BUD23: variants seen among roughly 807,000 people sequenced by gnomAD.
The protein encoded by BUD23 is 18S rRNA (guanine-N(7))-methyltransferase.
BUD23 carries 34 observed loss-of-function variants against 47.0 expected under a neutral mutation model. The ratio of observed to expected loss-of-function variants is 0.72; its 90% CI spans 0.55 to 0.96. The LOEUF (loss-of-function observed/expected upper bound fraction) is 0.96. Among genes scored for constraint, BUD23 ranks in the 40% least tolerant of loss-of-function variants. BUD23 has a pLI of 0.00. For missense variants in BUD23, 343 were observed against 361.2 expected, an observed-to-expected ratio of 0.95 and a Z score of 0.41; for synonymous variants, 124 against 132.0, an observed-to-expected ratio of 0.94 and a Z score of 0.41.
chr7:73,697,512 C>T lies in BUD23; in HGVS notation c.702-93C>T. The T allele has an allele frequency of 2.5e-6, 4 of 1,598,212 alleles. No individual in the cohort carries two copies. The highest frequency in any genetic ancestry group is 3.4e-6 in the Non-Finnish European group (4 of 1,173,884). On this transcript the variant is annotated intron_variant, in intron 10 of 11. Transcript: ENST00000265758. ...AAGGGGCATCCGAGGCCACCAGACT[C>T]GGAGGTAAGCTTGCCATGGATTCAC... is the stretch of plus-strand genomic sequence containing the variant.
rs148321306 is a variant in BUD23, at chr7:73,691,282, C to T, written c.459+270C>T. Among the ~76,000 whole-genome samples, 480 of 152,300 alleles carry T rather than the reference C, an allele frequency of 3.2e-3. 3 individuals are homozygous for T. The highest frequency in any genetic ancestry group is 0.02 in the Middle Eastern group (6 of 294). On this transcript the variant is annotated intron_variant, in intron 6 of 11. Coordinates refer to ENST00000265758, the MANE Select transcript of BUD23 (RefSeq NM_017528.5). ...TATTAACTTGTAATAGGGCCTACTT[C>T]TGTTGATTGGTATTCCTATGTCTAT...
intron 10 of BUD23, chr7:73,696,386 C>T (rs1434686333): frequency 2.6e-5 from 4 of 152,240 alleles, no homozygotes; most frequent in Non-Finnish European, 5.9e-5. Context: ...TACACATTGC[C>T]TTATCTCCAT....
Position 73,686,996 on chromosome 7 carries a change from TAG to T in BUD23, c.266-1_266del. 6.2e-7 allele frequency: 1 copy of T among 1,614,176 alleles called. No homozygotes were observed. ...TTCTCTGACTGCCTTTTCTCTAATGTAGATGAGGCTGTGGACCGAGAGATAGA... is the reference window on the plus strand; with the variant it reads ...TTCTCTGACTGCCTTTTCTCTAATGTATGAGGCTGTGGACCGAGAGATAGA... On this transcript the variant is annotated splice_acceptor_variant, in intron 4 of 11. Coordinates refer to ENST00000265758, the MANE Select transcript of BUD23 (RefSeq NM_017528.5). LOFTEE classifies it high-confidence loss of function.
chr7:73,687,958 G>C (rs1390427156), intron 5 of BUD23, among the ~76,000 whole-genome samples: 2 of 150,686 alleles, frequency 1.3e-5, no homozygotes, highest in Admixed American at 6.6e-5. Context: ...TGCAGTGGCG[G>C]GATCTCGGCT....
intron 5 of BUD23, among the ~76,000 whole-genome samples, chr7:73,687,711 A>G (rs7796067): frequency 0.98 from 148,983 of 152,266 alleles, 72,974 homozygotes; most frequent in East Asian, 1. Flanking sequence ...TAGTCCTGCA[A>G]GCCAGTGCCT....
At chr7:73,684,923 CAAAAAAAAAAAAAAAAAAAAAA>C (rs56229090) in intron 2 of BUD23, among the ~76,000 whole-genome samples, 35 of 49,136 alleles carry the variant, frequency 7.1e-4, no homozygotes, top group African/African-American at 1.5e-3. Context: ...GACTTTGTTT[CAAAAAAAAAAAAAAAAAAAAAA>C]AAAAAAAAAA....
At chr7:73,692,949 C>T (rs2293489) in intron 7 of BUD23, 163,517 of 538,978 alleles carry the variant, frequency 0.3, 27,383 homozygotes, top group Non-Finnish European at 0.34. Flanking sequence ...GACAGTTCTC[C>T]GTTGTGTGAT....
At position 73,697,894 on chromosome 7, in the gene BUD23, C is replaced by T. The variant is rs1554615206; in HGVS notation, c.*8C>T. The T allele has an allele frequency of 6.2e-6, 10 of 1,612,488 alleles. No individual in the cohort carries two copies. Among genetic ancestry groups the T allele is most frequent in the Middle Eastern group, 1.7e-4 (1 of 5,922 alleles). ...CGCAAGCCCCGCTTCTAAGTCACCA[C>T]GCGGTTCTGGAAAGGCACTTGCCTC... On this transcript the variant is annotated 3_prime_UTR_variant, in exon 12 of 12. Transcript: ENST00000265758.
At chr7:73,686,926 G>A (rs781950305) in intron 4 of BUD23, 26 bp downstream of exon 4, 10 of 1,614,100 alleles carry the variant, frequency 6.2e-6, no homozygotes, top group Non-Finnish European at 7.6e-6. Flanking sequence ...CTGGCACCAG[G>A]GTGGATTACC....
At chr7:73,693,540 G>T in intron 8 of BUD23, 84 bp from the exon 9 acceptor site, 1 of 1,601,182 alleles carries the variant, frequency 6.2e-7, no homozygotes, top group Non-Finnish European at 8.6e-7. Flanking sequence ...GGCAGGCGGA[G>T]GGGGTGCGGG....
In BUD23 at chr7:73,693,293, C is replaced by T. The variant is rs782519967; in HGVS notation, c.511-36C>T. The stretch of plus-strand genomic sequence containing the variant: ...AGGTGAAGCTGTCTGCTCCTCTCAA[C>T]CTCCGCTGCCTGACCCGCTGCCTTT... On this transcript the variant is annotated intron_variant, in intron 7 of 11. Transcript: ENST00000265758. 14 of 1,588,352 alleles carry T rather than the reference C, an allele frequency of 8.8e-6. No individual in the cohort carries two copies. In the South Asian group the frequency reaches 1.6e-4, roughly 18 times the overall value.
Position 73,693,271 on chromosome 7 carries a change from T to G in BUD23, c.511-58T>G, listed in dbSNP as rs1466650014. The G allele has an allele frequency of 4.6e-5, 68 of 1,474,888 alleles. No homozygotes were observed. In the East Asian group the frequency reaches 1.5e-3, roughly 31 times the overall value. The allele number at this position is 1,474,888 out of a possible 1,614,324, so 91.4% of individuals were successfully genotyped here. A position where few individuals can be genotyped will look rare whatever the true frequency, so the allele number is the denominator to read the frequency against. On this transcript the variant is annotated intron_variant, in intron 7 of 11. Coordinates refer to ENST00000265758, the MANE Select transcript of BUD23 (RefSeq NM_017528.5). ...TGGCTTCTGAAGGAGGGGAGGGAGG[T>G]GAAGCTGTCTGCTCCTCTCAACCTC...
intron 2 of BUD23, among the ~76,000 whole-genome samples, chr7:73,685,767 G>A (rs1797942098): frequency 6.6e-6 from 1 of 151,756 alleles, no homozygotes; most frequent in African/African-American, 2.4e-5. Flanking sequence ...TGAGTTAATG[G>A]AAATACGTTA....
chr7:73,697,864 G>A lies in BUD23; in HGVS notation c.824G>A (p.Arg275His), dbSNP rs782800257. ...AGACCTGACACCCAGTACACCGGCC[G>A]CAAGCGCAAGCCCCGCTTCTAAGTC... ...EVRPDTQYTG[R>H]KRKPRF The change falls in exon 12 of 12, where the codon CGC becomes CAC. Residue 275 changes from arginine (R) to histidine (H), a missense_variant. Arg to His is a conservative substitution (Grantham distance 29). Coordinates refer to ENST00000265758, the MANE Select transcript of BUD23 (RefSeq NM_017528.5). The A allele has an allele frequency of 8.1e-6, 13 of 1,613,728 alleles. No individual in the cohort carries two copies. The highest frequency in any genetic ancestry group is 4.5e-5 in the East Asian group (2 of 44,896).
Position 73,690,060 on chromosome 7 carries a change from G to A in BUD23, c.363-856G>A, listed in dbSNP as rs189941521. 7.2e-5 allele frequency among the ~76,000 whole-genome samples: 11 copies of A among 152,050 alleles called. 1 individual carries two copies. The East Asian group carries it at 2.1e-3, about 29-fold the overall frequency. On this transcript the variant is annotated intron_variant, in intron 5 of 11. Coordinates refer to ENST00000265758, the MANE Select transcript of BUD23 (RefSeq NM_017528.5). ...GTCTTGCTCTGTTGTCCAGGCTGGA[G>A]TACAGTGGCACAAGGCTTACTGCAA...
chr7:73,686,397 A>T (rs955074455), intron 2 of BUD23, among the ~76,000 whole-genome samples: 1 of 152,236 alleles, frequency 6.6e-6, no homozygotes, highest in Non-Finnish European at 1.5e-5. Context: ...TGGTGCAATG[A>T]TAAGTTGTTA....
Position 73,686,709 on chromosome 7 carries a change from C to T in BUD23, c.160C>T (p.Pro54Ser). ...GCTTCTTTATCTGCCAGAGAATAAG[C>T]CCTGTTACCTGCTGGATATTGGGTG... ...LELLYLPENK[P>S]CYLLDIGCGT... The change falls in exon 3 of 12, where the codon CCC (proline) becomes TCC (serine). Residue 54 changes from proline to serine, a missense_variant. Transcript: ENST00000265758. The T allele has an allele frequency of 1.2e-6, 2 of 1,614,116 alleles. No individual in the cohort carries two copies. The highest frequency in any genetic ancestry group is 1.1e-5 in the South Asian group (1 of 91,086).
chr7:73,694,208 G>T (rs1554614558), intron 10 of BUD23, 158 bp downstream of exon 10: 2 of 770,166 alleles, frequency 2.6e-6, no homozygotes, highest in East Asian at 5.7e-5. Flanking sequence ...GACTGTGCCT[G>T]TTTGGGGCTA....
intron 2 of BUD23, 21 bp from the exon 3 acceptor site, chr7:73,686,615 C>G (rs142695767): frequency 1.2e-6 from 2 of 1,612,014 alleles, no homozygotes; most frequent in East Asian, 4.5e-5. Context: ...ACCATGTCCA[C>G]TTGTGTTTCT....
Sources: gnomAD v4.1 joint callset for allele counts (sites outside exome capture counted in the v4.1 genomes callset) on GRCh38, gnomAD v4.1.1 for gene constraint, MANE v1.5 for transcripts, NCBI Gene and HGNC (gene_info 2026-07-23, HGNC 2026-07-21) for gene names.